Variants in RAPGEF4 observed in about 807,000 individuals in gnomAD.
RAPGEF4 encodes Rap guanine nucleotide exchange factor 4, also known as RAP guanine-nucleotide-exchange factor (GEF) 4.
In RAPGEF4, 66 loss-of-function variants were observed where a neutral mutation model predicts 147.9. The ratio of observed to expected loss-of-function variants is 0.45; its 90% CI spans 0.37 to 0.55. The LOEUF is 0.55. Among genes scored for constraint, RAPGEF4 ranks in the 20% least tolerant of loss-of-function variants. The pLI is 0.00. For synonymous variants in RAPGEF4, 419 were observed against 442.7 expected, an observed-to-expected ratio of 0.95 and a Z score of 0.67; for missense variants, 1,071 against 1,257.3, an observed-to-expected ratio of 0.85 and a Z score of 2.24.
intron 6 of RAPGEF4, among the ~76,000 whole-genome samples, chr2:172,934,147 CTTTTT>C (rs5836396): frequency 1.0e-5 from 1 of 99,132 alleles, no homozygotes; most frequent in Non-Finnish European, 1.8e-5. Context: ...TTATTTAATC[CTTTTT>C]TTTTTTTTTT....
At chr2:172,771,896 ATG>A (rs1185674895) in intron 1 of RAPGEF4, among the ~76,000 whole-genome samples, 8 of 152,226 alleles carry the variant, frequency 5.3e-5, no homozygotes, top group African/African-American at 1.9e-4. Flanking sequence ...TTAAAGAAAA[ATG>A]TCTGTTGCTC....
At chr2:172,903,308 G>A (rs531451151) in intron 4 of RAPGEF4, among the ~76,000 whole-genome samples, 1 of 147,834 alleles carries the variant, frequency 6.8e-6, no homozygotes, top group South Asian at 2.2e-4. Context: ...GGAGGAGCTT[G>A]CAGTGAGCGG....
At chr2:172,766,474 C>T (rs1696856178) in intron 1 of RAPGEF4, among the ~76,000 whole-genome samples, 1 of 152,106 alleles carries the variant, frequency 6.6e-6, no homozygotes, top group South Asian at 2.1e-4. Flanking sequence ...ATTGCTTGAA[C>T]CCCAGAGGTG....
chr2:173,050,594 C>A (rs1302914123), intron 30 of RAPGEF4, among the ~76,000 whole-genome samples: 1 of 152,076 alleles, frequency 6.6e-6, no homozygotes, highest in Non-Finnish European at 1.5e-5. Flanking sequence ...TCCGGGTGTC[C>A]CCTTAGACCA....
chr2:172,857,258 G>T (rs1392628216), intron 4 of RAPGEF4, among the ~76,000 whole-genome samples: 2 of 152,192 alleles, frequency 1.3e-5, no homozygotes, highest in East Asian at 3.9e-4. Flanking sequence ...GCAGAACCAT[G>T]ATTTGAAGAC....
In RAPGEF4 at chr2:172,797,469, A is replaced by G. The variant is rs933060827; in HGVS notation, c.209-56A>G. ...TGGACCAGTGAAAAACTGGCAGATC[A>G]TATAGTAAAACCAAGTTGTATCTGT... On this transcript the variant is annotated intron_variant, in intron 2 of 30. Coordinates refer to ENST00000397081, the MANE Select transcript of RAPGEF4 (RefSeq NM_007023.4). 8 of 1,422,652 alleles carry G rather than the reference A, an allele frequency of 5.6e-6. No individual in the cohort carries two copies. The South Asian group carries it at 9.7e-5, about 17-fold the overall frequency. The allele number at this position is 1,422,652 out of a possible 1,614,324, so 88.1% of individuals were successfully genotyped here.
At chr2:172,808,736 C>A (rs2149587983) in intron 3 of RAPGEF4, among the ~76,000 whole-genome samples, 1 of 152,252 alleles carries the variant, frequency 6.6e-6, no homozygotes, top group South Asian at 2.1e-4. Flanking sequence ...GATACTGAGG[C>A]TCTGGGGAGC....
At chr2:172,788,226 G>T (rs186572741) in intron 1 of RAPGEF4, among the ~76,000 whole-genome samples, 1 of 152,088 alleles carries the variant, frequency 6.6e-6, no homozygotes, top group Admixed American at 6.5e-5. Flanking sequence ...TATAAATTTC[G>T]GGGACTTAGG....
At chr2:172,739,693 T>G (rs971783239) in intron 1 of RAPGEF4, among the ~76,000 whole-genome samples, 5 of 152,160 alleles carry the variant, frequency 3.3e-5, no homozygotes, top group Non-Finnish European at 5.9e-5. Context: ...TTAATGAAAA[T>G]ATTTTTCCCG....
rs5836398 is a variant in RAPGEF4 at position 173,024,218 on chromosome 2, ATT to A, written c.2254-2338_2254-2337del. Among the ~76,000 whole-genome samples the A allele has an allele frequency of 1.2e-3, 161 of 137,488 alleles. 3 individuals are homozygous for A. Among genetic ancestry groups the A allele is most frequent in the African/African-American group, 1.7e-3 (62 of 36,994 alleles). The allele number at this position is 137,488 out of a possible 152,430, so 90.2% of individuals were successfully genotyped here. ...TGCTACAGCACTTCTTTTTTTTATTATTTTTTTTTTTTTTTTTGAGACGGAGT... is the reference window on the plus strand; with the variant it reads ...TGCTACAGCACTTCTTTTTTTTATTATTTTTTTTTTTTTTTGAGACGGAGT... On this transcript the variant is annotated intron_variant, in intron 23 of 30. Coordinates refer to ENST00000397081, the MANE Select transcript of RAPGEF4 (RefSeq NM_007023.4).
Position 172,766,890 on chromosome 2 carries a change from T to C in RAPGEF4, c.66-28135T>C, listed in dbSNP as rs542288116. Among the ~76,000 whole-genome samples, 86 of 152,322 alleles carry C rather than the reference T, an allele frequency of 5.6e-4. 4 individuals carry two copies. The South Asian group carries it at 0.017, about 30-fold the overall frequency. On this transcript the variant is annotated intron_variant, in intron 1 of 30. Coordinates refer to ENST00000397081, the MANE Select transcript of RAPGEF4 (RefSeq NM_007023.4). The stretch of plus-strand genomic sequence containing the variant: ...CCATTGCGTGCATATACACAATTCA[T>C]TTATCCAAGACGATTCTGAAACTGT...
chr2:172,971,070 G>C (rs1317369097), intron 10 of RAPGEF4, among the ~76,000 whole-genome samples: 2 of 148,266 alleles, frequency 1.3e-5, no homozygotes, highest in Non-Finnish European at 3.0e-5. Flanking sequence ...ATAGCAAGTA[G>C]ATATAATGGG....
chr2:173,039,223 C>T (rs886388647), intron 29 of RAPGEF4, among the ~76,000 whole-genome samples: 10 of 151,220 alleles, frequency 6.6e-5, no homozygotes, highest in Admixed American at 2.0e-4. Context: ...TTTGGGAGGC[C>T]GAGGCGGGTG....
At chr2:172,928,692 G>A (rs562277544) in intron 6 of RAPGEF4, among the ~76,000 whole-genome samples, 1 of 152,090 alleles carries the variant, frequency 6.6e-6, no homozygotes, top group Non-Finnish European at 1.5e-5. Flanking sequence ...CCATGCTGAC[G>A]ATTTTCTAGG....
chr2:172,919,902 G>A (rs539389461), intron 5 of RAPGEF4, among the ~76,000 whole-genome samples: 11 of 152,084 alleles, frequency 7.2e-5, no homozygotes, highest in Non-Finnish European at 1.0e-4. Context: ...GCTTGCCCGG[G>A]CCCAGCGCCC....
At chr2:172,917,103 C>A (rs978378857) in intron 4 of RAPGEF4, among the ~76,000 whole-genome samples, 3 of 152,176 alleles carry the variant, frequency 2.0e-5, no homozygotes, top group Non-Finnish European at 4.4e-5. Context: ...TCTCACCAAG[C>A]CTTATCCCTC....
intron 1 of RAPGEF4, among the ~76,000 whole-genome samples, chr2:172,760,999 A>G (rs1696263723): frequency 6.6e-6 from 1 of 152,086 alleles, no homozygotes; most frequent in African/African-American, 2.4e-5. Flanking sequence ...AAAAGCAGCA[A>G]GAGAGAAAGG....
At chr2:172,787,110 G>A (rs558974906) in intron 1 of RAPGEF4, among the ~76,000 whole-genome samples, 1 of 152,246 alleles carries the variant, frequency 6.6e-6, no homozygotes, top group Non-Finnish European at 1.5e-5. Flanking sequence ...TACTTGGGAG[G>A]CTGAGGCAGG....
chr2:172,926,553 GT>G lies in RAPGEF4; in HGVS notation c.537+4259del, dbSNP rs945333650. The stretch of plus-strand genomic sequence containing the variant: ...CATCTGGGGTCCTCATTTTTTGTGA[GT>G]TTTTTGTTTGTTTATTTGTTTGTTT... On this transcript the variant is annotated intron_variant, in intron 6 of 30. Transcript: ENST00000397081. Among the ~76,000 whole-genome samples, 4 of 152,000 alleles carry G rather than the reference GT, an allele frequency of 2.6e-5. No individual in the cohort carries two copies. The East Asian group carries it at 7.7e-4, about 29-fold the overall frequency.
Sources: gnomAD v4.1 joint callset for allele counts (sites outside exome capture counted in the v4.1 genomes callset) on GRCh38, gnomAD v4.1.1 for gene constraint, MANE v1.5 for transcripts, NCBI Gene and HGNC (gene_info 2026-07-23, HGNC 2026-07-21) for gene names.